IPO11: variants seen among roughly 807,000 people sequenced by gnomAD.
IPO11 encodes importin-11.
IPO11 carries 66 observed loss-of-function variants against 143.2 expected under a neutral mutation model. The observed-to-expected ratio is 0.46, with a 90% CI of 0.38 to 0.57. IPO11 has a LOEUF of 0.57. Among genes scored for constraint, IPO11 ranks in the 20% least tolerant of loss-of-function variants. IPO11 has a pLI of 0.00. For missense variants in IPO11, 1,026 were observed against 1,141.0 expected (o/e 0.90, Z 1.45); for synonymous variants, 385 against 377.8 (o/e 1.02, Z -0.22).
At chr5:62,460,978 TC>T (rs950916307) in intron 5 of IPO11, among the ~76,000 whole-genome samples, 1 of 152,230 alleles carries the variant, frequency 6.6e-6, no homozygotes, top group African/African-American at 2.4e-5. Flanking sequence ...AATGGTTACT[TC>T]CTGTGGTTTC....
intron 16 of IPO11, among the ~76,000 whole-genome samples, chr5:62,497,808 C>T (rs772377275): frequency 2.6e-5 from 4 of 152,188 alleles, no homozygotes; most frequent in Non-Finnish European, 2.9e-5. Flanking sequence ...TATTCTGCCT[C>T]GAATTTATTT....
chr5:62,441,338 A>G (rs1226439105), intron 2 of IPO11, among the ~76,000 whole-genome samples: 2 of 150,336 alleles, frequency 1.3e-5, no homozygotes, highest in Non-Finnish European at 1.5e-5. Context: ...AGCTGGGATT[A>G]CAGGCATGCG....
chr5:62,458,585 G>T (rs1745244754), intron 5 of IPO11, among the ~76,000 whole-genome samples: 1 of 152,208 alleles, frequency 6.6e-6, no homozygotes, highest in African/African-American at 2.4e-5. Context: ...ACAGGCATGA[G>T]CCACTGCGCC....
intron 2 of IPO11, among the ~76,000 whole-genome samples, chr5:62,440,193 C>G (rs1237376913): frequency 6.6e-6 from 1 of 152,096 alleles, no homozygotes; most frequent in Non-Finnish European, 1.5e-5. Flanking sequence ...AAAAGAAGTG[C>G]ATGTTTTGTA....
At chr5:62,606,514 C>G (rs999241252) in intron 29 of IPO11, among the ~76,000 whole-genome samples, 1 of 143,952 alleles carries the variant, frequency 6.9e-6, no homozygotes, top group Admixed American at 7.0e-5. Context: ...AAAGGAGAAC[C>G]CTTATGTCTC....
chr5:62,496,178 C>T (rs1350671434), intron 16 of IPO11, among the ~76,000 whole-genome samples: 12 of 151,734 alleles, frequency 7.9e-5, no homozygotes, highest in Non-Finnish European at 1.8e-4. Context: ...GTCCCAGTTA[C>T]TTGGGAGGCC....
At chr5:62,620,760 G>A (rs538497944) in intron 29 of IPO11, among the ~76,000 whole-genome samples, 1 of 152,300 alleles carries the variant, frequency 6.6e-6, no homozygotes, top group Admixed American at 6.5e-5. Flanking sequence ...TCTCTTATCA[G>A]ACTTAAGGTC....
At chr5:62,545,550 A>G (rs1348395579) in intron 24 of IPO11, among the ~76,000 whole-genome samples, 2 of 152,242 alleles carry the variant, frequency 1.3e-5, no homozygotes, top group African/African-American at 4.8e-5. Context: ...CAGGGACTTC[A>G]TGTCTAAAAC....
At chr5:62,604,877 C>T (rs1354472089) in intron 29 of IPO11, among the ~76,000 whole-genome samples, 1 of 152,080 alleles carries the variant, frequency 6.6e-6, no homozygotes, top group Non-Finnish European at 1.5e-5. Context: ...GCTAATTTTC[C>T]AACAACTTTA....
intron 2 of IPO11, among the ~76,000 whole-genome samples, chr5:62,441,169 G>A (rs958709630): frequency 4.6e-5 from 7 of 152,074 alleles, no homozygotes; most frequent in African/African-American, 1.4e-4. Flanking sequence ...TTAATGTTGA[G>A]TTGAGATTAT....
intron 27 of IPO11, chr5:62,580,107 C>T: frequency 6.4e-7 from 1 of 1,550,898 alleles, no homozygotes; most frequent in East Asian, 2.4e-5. Context: ...CATCAAATGC[C>T]TTTGAAGTAC....
At chr5:62,435,370 C>T (rs1472098807) in intron 1 of IPO11, among the ~76,000 whole-genome samples, 1 of 147,832 alleles carries the variant, frequency 6.8e-6, no homozygotes, top group Non-Finnish European at 1.5e-5. Context: ...GGAGGGATTG[C>T]TTGAGCCTAG....
At chr5:62,466,515 G>A (rs1745581855) in intron 5 of IPO11, among the ~76,000 whole-genome samples, 1 of 152,008 alleles carries the variant, frequency 6.6e-6, no homozygotes, top group Admixed American at 6.5e-5. Flanking sequence ...GGATTGCTCC[G>A]AGAACTCCTG....
At chr5:62,625,454 A>G (rs1430361245) in intron 29 of IPO11, among the ~76,000 whole-genome samples, 1 of 152,214 alleles carries the variant, frequency 6.6e-6, no homozygotes, top group African/African-American at 2.4e-5. Flanking sequence ...GAATCTGGCT[A>G]TTAACACTTC....
rs1206434070 is a variant in IPO11, at chr5:62,512,612, AT to A, written c.1783-2766del. 4,652 of 478,824 alleles carry A rather than the reference AT, an allele frequency of 9.7e-3. 16 individuals carry two copies. The highest frequency in any genetic ancestry group is 0.06 in the African/African-American group (2,798 of 46,586). The allele number at this position is 478,824 out of a possible 1,614,324, so 29.7% of individuals were successfully genotyped here. A position where few individuals can be genotyped will look rare whatever the true frequency, so the allele number is the denominator to read the frequency against. On this transcript the variant is annotated intron_variant, in intron 19 of 29. Transcript: ENST00000325324. ...TTGTTGTTGTTTTCTTTTTAATTTT[AT>A]TTTTTTTTTAATTGATCATTCTTGG...
At chr5:62,494,471 TA>T (rs990079125) in intron 16 of IPO11, among the ~76,000 whole-genome samples, 6 of 152,198 alleles carry the variant, frequency 3.9e-5, no homozygotes, top group African/African-American at 1.4e-4. Flanking sequence ...ATTTCATCTT[TA>T]CTGTTGATTC....
At chr5:62,605,015 TTGG>T (rs1745654637) in intron 29 of IPO11, among the ~76,000 whole-genome samples, 1 of 152,242 alleles carries the variant, frequency 6.6e-6, no homozygotes, top group Non-Finnish European at 1.5e-5. Flanking sequence ...CAGCAATATC[TTGG>T]TTGTTTCTTC....
intron 29 of IPO11, among the ~76,000 whole-genome samples, chr5:62,622,070 T>C (rs1298441181): frequency 6.6e-6 from 1 of 152,156 alleles, no homozygotes; most frequent in African/African-American, 2.4e-5. Context: ...TGTTACATGT[T>C]TTCTTTAGCC....
At chr5:62,586,766 AAAATAT>A (rs1432054324) in intron 27 of IPO11, among the ~76,000 whole-genome samples, 79 of 76,180 alleles carry the variant, frequency 1.0e-3, no homozygotes, top group African/African-American at 3.3e-3. Flanking sequence ...AAAAAAAAAA[AAAATAT>A]ATATATATAT....
Sources: gnomAD v4.1 joint callset for allele counts (sites outside exome capture counted in the v4.1 genomes callset) on GRCh38, gnomAD v4.1.1 for gene constraint, MANE v1.5 for transcripts, NCBI Gene and HGNC (gene_info 2026-07-23, HGNC 2026-07-21) for gene names.